Variants in CLVS2 observed in about 807,000 individuals in gnomAD.
The protein encoded by CLVS2 is clavesin 2.
Under a neutral mutation model 29.0 loss-of-function variants are expected in CLVS2, and 19 were observed. The observed-to-expected ratio is 0.66, with a 90% confidence interval of 0.46 to 0.96. CLVS2 has a LOEUF of 0.96. Ranked by LOEUF, CLVS2 falls within the 40% of genes least tolerant of loss-of-function variation. The probability of loss-of-function intolerance (pLI) is 0.00; values close to 1 mark genes in which losing one functional copy is unlikely to be tolerated. For missense variants in CLVS2, 294 were observed against 404.1 expected (o/e 0.73, Z 2.34); for synonymous variants, 161 against 151.3 (o/e 1.06, Z -0.47).
At chr6:123,059,531 A>G (rs1562176405) in intron 5 of CLVS2, among the ~76,000 whole-genome samples, 1 of 152,174 alleles carries the variant, frequency 6.6e-6, no homozygotes, top group Non-Finnish European at 1.5e-5. Flanking sequence ...TGCAGTATTC[A>G]TAACTGAATA....
intron 3 of CLVS2, among the ~76,000 whole-genome samples, chr6:123,045,723 G>T (rs1772491698): frequency 6.6e-6 from 1 of 152,138 alleles, no homozygotes; most frequent in South Asian, 2.1e-4. Context: ...TGTAACCTCT[G>T]CATTTAAGGA....
At chr6:123,048,789 G>C in intron 4 of CLVS2, 57 bp downstream of exon 4, 1 of 1,028,564 alleles carries the variant, frequency 9.7e-7, no homozygotes. Flanking sequence ...GAATTATAAT[G>C]CATAATGTGT....
At chr6:123,017,898 A>C (rs1276303213) in intron 3 of CLVS2, among the ~76,000 whole-genome samples, 1 of 152,046 alleles carries the variant, frequency 6.6e-6, no homozygotes, top group Middle Eastern at 3.2e-3. Flanking sequence ...AACCTTGACA[A>C]AAAGTAAAAT....
In CLVS2 at chr6:123,068,721, A is replaced by G. The variant is rs1772898092; in HGVS notation, c.*4960A>G. 6.6e-6 allele frequency: 1 copy of G among 151,738 alleles called. No homozygotes were observed. Among genetic ancestry groups the G allele is most frequent in the African/African-American group, 2.4e-5 (1 of 41,416 alleles). 9.4% of individuals were successfully genotyped at this position (151,738 alleles called of 1,614,324 possible). ...TTATTTGCTATTTTACTCAAATGTT[A>G]TTAATTTTTACTACTACAAACTACT... is the stretch of plus-strand genomic sequence containing the variant. On this transcript the variant is annotated 3_prime_UTR_variant, in exon 6 of 6. Coordinates refer to ENST00000275162, the MANE Select transcript of CLVS2 (RefSeq NM_001010852.4).
At chr6:123,013,524 G>A (rs996088687) in intron 3 of CLVS2, among the ~76,000 whole-genome samples, 19 of 152,030 alleles carry the variant, frequency 1.2e-4, no homozygotes, top group African/African-American at 3.9e-4. Context: ...AGCAGCCAGA[G>A]AGGAAACTTA....
At chr6:123,029,442 C>T (rs1449427794) in intron 3 of CLVS2, among the ~76,000 whole-genome samples, 2 of 152,050 alleles carry the variant, frequency 1.3e-5, no homozygotes, top group African/African-American at 4.8e-5. Context: ...AAAGAAAATG[C>T]ATCGTTGGAA....
At position 123,046,556 on chromosome 6, in the gene CLVS2, G is replaced by C. The variant is rs1229544220; in HGVS notation, c.565-2066G>C. ...TGCCTGTAGTCCCAGCTACTCAGGA[G>C]ACTGAGGCAGGAGAATCGCTTGAAC... On this transcript the variant is annotated intron_variant, in intron 3 of 5. Transcript: ENST00000275162. Among the ~76,000 whole-genome samples the C allele has an allele frequency of 5.4e-4, 82 of 151,932 alleles. 1 individual carries two copies. Among genetic ancestry groups the C allele is most frequent in the Admixed American group, 5.4e-3 (82 of 15,250 alleles).
At chr6:123,021,042 G>T (rs1774912237) in intron 3 of CLVS2, among the ~76,000 whole-genome samples, 1 of 126,526 alleles carries the variant, frequency 7.9e-6, no homozygotes, top group Non-Finnish European at 1.7e-5. Context: ...TCACTTATCT[G>T]AAAGAGTATG....
chr6:123,016,342 G>GGA, intron 3 of CLVS2, among the ~76,000 whole-genome samples: 1 of 144,830 alleles, frequency 6.9e-6, no homozygotes, highest in South Asian at 2.3e-4. Context: ...CTTTTTTTGG[G>GGA]GGGGAGGGGG....
chr6:123,013,312 C>G (rs1774779356), intron 3 of CLVS2, among the ~76,000 whole-genome samples: 1 of 151,988 alleles, frequency 6.6e-6, no homozygotes, highest in Admixed American at 6.6e-5. Flanking sequence ...TTGCTAAACA[C>G]AGCCACCACC....
intron 3 of CLVS2, among the ~76,000 whole-genome samples, chr6:123,031,941 C>G (rs968411551): frequency 6.6e-6 from 1 of 152,068 alleles, no homozygotes; most frequent in Non-Finnish European, 1.5e-5. Context: ...AGCCAGAACC[C>G]CCTTTTCACT....
At chr6:123,063,055 G>A (rs1414474637) in intron 5 of CLVS2, among the ~76,000 whole-genome samples, 2 of 152,106 alleles carry the variant, frequency 1.3e-5, no homozygotes, top group East Asian at 1.9e-4. Flanking sequence ...AACAAGAGGG[G>A]GTTTTACTTT....
At chr6:123,042,077 T>G (rs1247887031) in intron 3 of CLVS2, among the ~76,000 whole-genome samples, 1 of 152,178 alleles carries the variant, frequency 6.6e-6, no homozygotes, top group African/African-American at 2.4e-5. Context: ...CTTAAAACAC[T>G]TATTAAAATT....
At chr6:123,005,773 G>A (rs948534042) in intron 2 of CLVS2, among the ~76,000 whole-genome samples, 3 of 152,152 alleles carry the variant, frequency 2.0e-5, no homozygotes, top group African/African-American at 4.8e-5. Context: ...AGTGTGGCAG[G>A]ACAAGGCTCT....
At position 123,066,589 on chromosome 6, in the gene CLVS2, AG is replaced by A. The variant is rs1334213254; in HGVS notation, c.*2832del. The A allele has an allele frequency of 6.6e-6, 1 of 151,692 alleles. No individual in the cohort carries two copies. Among genetic ancestry groups the A allele is most frequent in the African/African-American group, 2.4e-5 (1 of 41,370 alleles). 9.4% of individuals were successfully genotyped at this position (151,692 alleles called of 1,614,324 possible). ...ATTTTTTCTTTCTTCCAGTTATTTC[AG>A]GGGCAGGTGATTCCAAAGCTGGTTT... On this transcript the variant is annotated 3_prime_UTR_variant, in exon 6 of 6. Transcript: ENST00000275162.
chr6:123,002,456 A>G (rs1163909263), intron 2 of CLVS2, among the ~76,000 whole-genome samples: 1 of 152,160 alleles, frequency 6.6e-6, no homozygotes, highest in Non-Finnish European at 1.5e-5. Context: ...TACTAAAATA[A>G]TATGGCCAAT....
At position 123,003,168 on chromosome 6, in the gene CLVS2, A is replaced by C. The variant is rs567937996; in HGVS notation, c.389+5002A>C. On this transcript the variant is annotated intron_variant, in intron 2 of 5. Coordinates refer to ENST00000275162, the MANE Select transcript of CLVS2 (RefSeq NM_001010852.4). Reference sequence around the variant, plus strand: ...TAATTAGTAAAATAATCCCGAAATAACAGCAAAAACTACAAGTGCCAACCT... The same window carrying C: ...TAATTAGTAAAATAATCCCGAAATACCAGCAAAAACTACAAGTGCCAACCT... Among the ~76,000 whole-genome samples, 3 of 152,358 alleles carry C rather than the reference A, an allele frequency of 2.0e-5. No homozygotes were observed. In the East Asian group the frequency reaches 5.8e-4, roughly 29 times the overall value.
Position 123,056,010 on chromosome 6 carries a change from C to T in CLVS2, c.880C>T (p.Pro294Ser), listed in dbSNP as rs553690624. The part of the protein sequence containing the change: ...PVKEVEKELS[P>S]KSMKRSQSVV... ...GAAGGAAGTAGAGAAGGAACTCTCCCCAAAGTCCATGAAGAGGTATGCTGG... is the reference window on the plus strand; with the variant it reads ...GAAGGAAGTAGAGAAGGAACTCTCCTCAAAGTCCATGAAGAGGTATGCTGG... The change falls in exon 5 of 6, where the codon CCA becomes TCA. Residue 294 changes from proline (P) to serine (S), a missense_variant. Physicochemically the swap from Pro to Ser is moderately conservative, Grantham distance 74 (BLOSUM62 -1). Around this residue, in one of 2 missense-constraint regions of CLVS2, gnomAD observed 82 missense variants for 67.8 expected, o/e 1.21. Transcript: ENST00000275162. 9.9e-6 allele frequency: 16 copies of T among 1,612,610 alleles called. No homozygotes were observed. Among genetic ancestry groups the T allele is most frequent in the African/African-American group, 1.3e-5 (1 of 75,008 alleles).
rs545464903 is a variant in CLVS2 at position 123,020,559 on chromosome 6, G to A, written c.564+9400G>A. On this transcript the variant is annotated intron_variant, in intron 3 of 5. Coordinates refer to ENST00000275162, the MANE Select transcript of CLVS2 (RefSeq NM_001010852.4). ...TGCTACAATACTGAGAGAGTTTCAC[G>A]ATAAAGTCTTGTTGTATGTGTGGAC... is the stretch of plus-strand genomic sequence containing the variant. Among the ~76,000 whole-genome samples, 8 of 152,104 alleles carry A rather than the reference G, an allele frequency of 5.3e-5. No homozygotes were observed. In the East Asian group the frequency reaches 5.8e-4, roughly 11 times the overall value.
Sources: allele counts gnomAD v4.1 joint callset (sites outside exome capture counted in the v4.1 genomes callset), GRCh38; gene constraint gnomAD v4.1.1; regional missense constraint gnomAD v4.1.1; transcripts MANE v1.5; gene names NCBI Gene and HGNC (gene_info 2026-07-23, HGNC 2026-07-21).